APLF: variants seen among roughly 807,000 people sequenced by gnomAD.
APLF encodes aprataxin and PNKP like factor.
APLF carries 61 observed loss-of-function variants against 55.6 expected under a neutral mutation model. The observed-to-expected ratio is 1.10, with a 90% confidence interval of 0.89 to 1.36. The LOEUF (loss-of-function observed/expected upper bound fraction) is 1.36. Ranked by LOEUF, APLF falls within the 40% of genes most tolerant of loss-of-function variation. APLF has a pLI of 0.00. For missense variants in APLF, 611 were observed against 602.5 expected (o/e 1.01, Z -0.15); for synonymous variants, 207 against 214.8 (o/e 0.96, Z 0.32).
rs1671689192 is a variant in APLF at position 68,578,738 on chromosome 2, A to G, written c.*716A>G. On this transcript the variant is annotated 3_prime_UTR_variant, in exon 10 of 10. Coordinates refer to ENST00000303795, the MANE Select transcript of APLF (RefSeq NM_173545.3). ...TTTTTTCAAACTAAAGTCCTAGCTG[A>G]TTATTTTAACTCTCAGTGTGCTGTC... The G allele has an allele frequency of 2.0e-6, 2 of 985,122 alleles. No homozygotes were observed. Among genetic ancestry groups the G allele is most frequent in the African/African-American group, 1.7e-5 (1 of 57,208 alleles). 61.0% of individuals were successfully genotyped at this position (985,122 alleles called of 1,614,324 possible). A position where few individuals can be genotyped will look rare whatever the true frequency, so the allele number is the denominator to read the frequency against.
intron 2 of APLF, among the ~76,000 whole-genome samples, chr2:68,495,796 C>T (rs1676527210): frequency 6.6e-6 from 1 of 152,266 alleles, no homozygotes; most frequent in South Asian, 2.1e-4. Flanking sequence ...CACTCTTGCA[C>T]TCTGTGTACC....
At chr2:68,511,454 G>A (rs945240087) in intron 3 of APLF, among the ~76,000 whole-genome samples, 5 of 151,296 alleles carry the variant, frequency 3.3e-5, no homozygotes, top group African/African-American at 1.2e-4. Context: ...AATTTTTTTT[G>A]TTACGTTTAT....
chr2:68,556,829 T>A (rs989908877), intron 8 of APLF, among the ~76,000 whole-genome samples: 1 of 152,152 alleles, frequency 6.6e-6, no homozygotes, highest in Non-Finnish European at 1.5e-5. Flanking sequence ...AGGAGGTGTG[T>A]CAGTTATCAA....
intron 2 of APLF, among the ~76,000 whole-genome samples, chr2:68,500,471 A>G (rs761765349): frequency 6.6e-6 from 1 of 152,186 alleles, no homozygotes; most frequent in Non-Finnish European, 1.5e-5. Context: ...TTTGTAAAGA[A>G]ATGTAGTTTC....
chr2:68,574,401 T>G (rs1671566574), intron 9 of APLF, among the ~76,000 whole-genome samples: 1 of 152,188 alleles, frequency 6.6e-6, no homozygotes, highest in African/African-American at 2.4e-5. Context: ...ATGTCAGCAT[T>G]TATAACCCTG....
At chr2:68,536,994 G>C (rs1324500366) in intron 6 of APLF, among the ~76,000 whole-genome samples, 1 of 151,830 alleles carries the variant, frequency 6.6e-6, no homozygotes, top group East Asian at 1.9e-4. Flanking sequence ...GTGAAACCCC[G>C]TCTCTACTAA....
At chr2:68,502,130 T>G (rs2103932170) in intron 2 of APLF, among the ~76,000 whole-genome samples, 1 of 152,302 alleles carries the variant, frequency 6.6e-6, no homozygotes, top group African/African-American at 2.4e-5. Flanking sequence ...TGTGATAATG[T>G]CATTAATCCA....
At chr2:68,527,505 G>T (rs1279050535) in intron 6 of APLF, among the ~76,000 whole-genome samples, 7 of 150,566 alleles carry the variant, frequency 4.6e-5, no homozygotes, top group African/African-American at 1.7e-4. Context: ...ATGGTGGGCA[G>T]CTGGGCAGAG....
chr2:68,518,041 CAG>C (rs1261839871), intron 5 of APLF, among the ~76,000 whole-genome samples: 2 of 133,098 alleles, frequency 1.5e-5, no homozygotes, highest in African/African-American at 2.8e-5. Flanking sequence ...TAATATATAA[CAG>C]TAATATATCA....
intron 9 of APLF, among the ~76,000 whole-genome samples, chr2:68,571,675 A>G (rs1042707793): frequency 7.7e-4 from 118 of 152,282 alleles, no homozygotes; most frequent in Non-Finnish European, 9.0e-4. Context: ...TACCAGTACC[A>G]TGCTGTTTAG....
intron 5 of APLF, among the ~76,000 whole-genome samples, chr2:68,523,542 A>G (rs1160296171): frequency 6.6e-6 from 1 of 151,980 alleles, no homozygotes; most frequent in African/African-American, 2.4e-5. Context: ...ATTGAGAAAT[A>G]TACGCATGCA....
At chr2:68,472,361 G>C (rs571359239) in intron 1 of APLF, among the ~76,000 whole-genome samples, 1 of 152,162 alleles carries the variant, frequency 6.6e-6, no homozygotes, top group African/African-American at 2.4e-5. Flanking sequence ...ATATTTTAGG[G>C]TAAAACATTT....
Position 68,538,361 on chromosome 2 carries a change from T to C in APLF, c.1160+134T>C, listed in dbSNP as rs115296684. 4.2e-3 allele frequency: 2,971 copies of C among 704,822 alleles called. 57 individuals are homozygous for C. In the African/African-American group the frequency reaches 0.047, roughly 11 times the overall value. The allele number at this position is 704,822 out of a possible 1,614,324, so 43.7% of individuals were successfully genotyped here. ...GTTAGGGGCTTTATCGTGTTTCTACTATTTGTACTTCCTCAGTATATTTTC... is the reference window on the plus strand; with the variant it reads ...GTTAGGGGCTTTATCGTGTTTCTACCATTTGTACTTCCTCAGTATATTTTC... On this transcript the variant is annotated intron_variant, in intron 7 of 9. Transcript: ENST00000303795.
In APLF at chr2:68,490,082, C is replaced by G; in HGVS notation, c.97-108C>G. The G allele has an allele frequency of 6.7e-6, 4 of 596,578 alleles. No individual in the cohort carries two copies. The South Asian group carries it at 1.1e-4, about 16-fold the overall frequency. 37.0% of individuals were successfully genotyped at this position (596,578 alleles called of 1,614,324 possible). A position where few individuals can be genotyped will look rare whatever the true frequency, so the allele number is the denominator to read the frequency against. Reference sequence around the variant, plus strand: ...GTTGAATGAATGATATATTTCATATCTAGTCTACTGATTTCAGAAACATCG... The same window carrying G: ...GTTGAATGAATGATATATTTCATATGTAGTCTACTGATTTCAGAAACATCG... On this transcript the variant is annotated intron_variant, in intron 1 of 9. Transcript: ENST00000303795.
chr2:68,551,018 C>T (rs186225487), intron 8 of APLF, among the ~76,000 whole-genome samples: 110 of 152,044 alleles, frequency 7.2e-4, no homozygotes, highest in East Asian at 3.3e-3. Context: ...AACTTCTTTG[C>T]GTTTTTCTTA....
At chr2:68,507,455 G>C (rs926449952) in intron 3 of APLF, among the ~76,000 whole-genome samples, 2 of 151,900 alleles carry the variant, frequency 1.3e-5, no homozygotes, top group Non-Finnish European at 2.9e-5. Flanking sequence ...GAACATTTAA[G>C]TCTATAGATG....
At chr2:68,556,569 A>G (rs923942425) in intron 8 of APLF, among the ~76,000 whole-genome samples, 3 of 152,172 alleles carry the variant, frequency 2.0e-5, no homozygotes, top group African/African-American at 7.2e-5. Context: ...GATTTTATGC[A>G]GTGTGTATTC....
At chr2:68,473,392 C>T (rs574089549) in intron 1 of APLF, among the ~76,000 whole-genome samples, 1 of 152,244 alleles carries the variant, frequency 6.6e-6, no homozygotes, top group African/African-American at 2.4e-5. Flanking sequence ...GTCGGTTTAT[C>T]CATTCACCTA....
chr2:68,531,458 C>T (rs1670254219), intron 6 of APLF: 1 of 152,208 alleles, frequency 6.6e-6, no homozygotes, highest in Non-Finnish European at 1.5e-5. Context: ...TCTCCTCACT[C>T]CTACCCTCTC....
Sources: allele counts gnomAD v4.1 joint callset (sites outside exome capture counted in the v4.1 genomes callset), GRCh38; gene constraint gnomAD v4.1.1; transcripts MANE v1.5; gene names NCBI Gene and HGNC (gene_info 2026-07-23, HGNC 2026-07-21).